KCND3: variants seen among roughly 807,000 people sequenced by gnomAD.
KCND3 encodes A-type voltage-gated potassium channel KCND3.
Under a neutral mutation model 51.1 loss-of-function variants are expected in KCND3, and 9 were observed. That is an observed-to-expected ratio of 0.18 (90% CI 0.11 to 0.31). The LOEUF is 0.31. Ranked by LOEUF, KCND3 falls within the 10% of genes least tolerant of loss-of-function variation. The pLI is 1.00. For synonymous variants in KCND3, 349 were observed against 368.0 expected (o/e 0.95, Z 0.59); for missense variants, 526 against 903.8 (o/e 0.58, Z 5.36).
At chr1:111,893,726 C>T (rs546322066) in intron 2 of KCND3, among the ~76,000 whole-genome samples, 13 of 152,104 alleles carry the variant, frequency 8.5e-5, no homozygotes, top group Non-Finnish European at 1.9e-4. Flanking sequence ...TGACAGGAGT[C>T]ATGGTGAGAA....
chr1:111,790,166 A>C (rs1664768365), intron 2 of KCND3, among the ~76,000 whole-genome samples: 3 of 152,348 alleles, frequency 2.0e-5, no homozygotes, highest in South Asian at 4.1e-4. Flanking sequence ...AGGACACTGG[A>C]GTCCAACCTG....
intron 2 of KCND3, among the ~76,000 whole-genome samples, chr1:111,899,999 G>GTA (rs768813910): frequency 1.6e-4 from 24 of 152,232 alleles, no homozygotes; most frequent in Non-Finnish European, 3.1e-4. Flanking sequence ...AAAGCAGTGA[G>GTA]GAGGCAGGGG....
rs1673766007 is a variant in KCND3, at chr1:111,963,188, G to A, written c.1106+18433C>T. Among the ~76,000 whole-genome samples, 7 of 152,222 alleles carry A rather than the reference G, an allele frequency of 4.6e-5. No individual in the cohort carries two copies. In the South Asian group the frequency reaches 1.4e-3, roughly 32 times the overall value. ...TCAACCCCCCACCATACAGAATCAT[G>A]AGATGTAATAAATGTTTATGATTTA... On this transcript the variant is annotated intron_variant, in intron 2 of 7. Transcript: ENST00000302127.
At chr1:111,796,613 A>G (rs1270961436) in intron 2 of KCND3, among the ~76,000 whole-genome samples, 6 of 152,200 alleles carry the variant, frequency 3.9e-5, no homozygotes, top group Admixed American at 6.5e-5. Context: ...AACAGCACAC[A>G]CTGGGAACTA....
chr1:111,778,580 G>C (rs1213799518), intron 5 of KCND3, 88 bp from the exon 6 acceptor site: 16 of 1,253,842 alleles, frequency 1.3e-5, no homozygotes, highest in African/African-American at 3.0e-5. Flanking sequence ...TCAATCTCTT[G>C]ATCCCGGCAT....
chr1:111,826,873 G>A (rs927222376), intron 2 of KCND3, among the ~76,000 whole-genome samples: 1 of 152,228 alleles, frequency 6.6e-6, no homozygotes, highest in Non-Finnish European at 1.5e-5. Context: ...ACAACCCTAT[G>A]AGGCTGGTAC....
At chr1:111,874,481 A>G (rs1668962239) in intron 2 of KCND3, among the ~76,000 whole-genome samples, 4 of 152,194 alleles carry the variant, frequency 2.6e-5, no homozygotes, top group Admixed American at 2.0e-4. Flanking sequence ...TGGTCTACCA[A>G]GAGGGCAGAT....
At chr1:111,890,043 G>A (rs773812475) in intron 2 of KCND3, among the ~76,000 whole-genome samples, 22 of 152,192 alleles carry the variant, frequency 1.4e-4, no homozygotes, top group Non-Finnish European at 1.9e-4. Flanking sequence ...TGACTCCAGA[G>A]TGGCCATGGA....
At chr1:111,821,106 G>A (rs547512227) in intron 2 of KCND3, among the ~76,000 whole-genome samples, 55 of 152,308 alleles carry the variant, frequency 3.6e-4, no homozygotes, top group African/African-American at 1.3e-3. Context: ...GACAGGATCT[G>A]TTTTTACCCT....
intron 3 of KCND3, among the ~76,000 whole-genome samples, chr1:111,783,265 G>A (rs952350461): frequency 4.7e-5 from 7 of 150,348 alleles, no homozygotes; most frequent in African/African-American, 7.3e-5. Flanking sequence ...GGCAGTGGAC[G>A]ATCAAGACTT....
intron 3 of KCND3, among the ~76,000 whole-genome samples, chr1:111,783,411 G>A (rs1398598810): frequency 1.3e-5 from 2 of 152,132 alleles, no homozygotes. Flanking sequence ...CAAATGTGGA[G>A]ACTCCAGGGT....
chr1:111,954,467 A>G (rs1673223036), intron 2 of KCND3, among the ~76,000 whole-genome samples: 1 of 152,228 alleles, frequency 6.6e-6, no homozygotes, highest in Non-Finnish European at 1.5e-5. Flanking sequence ...CTGAAAAGTC[A>G]TGGGACTTGA....
At chr1:111,939,484 G>T (rs1307035904) in intron 2 of KCND3, among the ~76,000 whole-genome samples, 2 of 152,038 alleles carry the variant, frequency 1.3e-5, no homozygotes, top group Non-Finnish European at 2.9e-5. Context: ...TCTGTGTTTG[G>T]TTTTCTGTTC....
intron 2 of KCND3, among the ~76,000 whole-genome samples, chr1:111,977,874 T>C (rs968466644): frequency 7.9e-5 from 12 of 152,372 alleles, no homozygotes; most frequent in Non-Finnish European, 1.5e-4. Flanking sequence ...GGGAGTTCTA[T>C]GTTATCCCTT....
At chr1:111,831,613 T>C (rs1434714374) in intron 2 of KCND3, among the ~76,000 whole-genome samples, 1 of 152,144 alleles carries the variant, frequency 6.6e-6, no homozygotes, top group African/African-American at 2.4e-5. Flanking sequence ...TACCTTCCCA[T>C]TCTATTTTTC....
chr1:111,830,516 G>T (rs1217113915), intron 2 of KCND3, among the ~76,000 whole-genome samples: 1 of 152,168 alleles, frequency 6.6e-6, no homozygotes, highest in African/African-American at 2.4e-5. Context: ...ATTTAAGGAG[G>T]CCCTCACTCT....
intron 2 of KCND3, among the ~76,000 whole-genome samples, chr1:111,790,143 TA>T (rs1664767622): frequency 6.6e-6 from 1 of 152,218 alleles, no homozygotes; most frequent in Non-Finnish European, 1.5e-5. Context: ...CAGCATGGCC[TA>T]ATAATTAAGA....
At chr1:111,921,758 G>A (rs1253486342) in intron 2 of KCND3, among the ~76,000 whole-genome samples, 1 of 152,124 alleles carries the variant, frequency 6.6e-6, no homozygotes, top group Non-Finnish European at 1.5e-5. Flanking sequence ...ATTTCTCCCA[G>A]GCCTTTGTTA....
intron 2 of KCND3, among the ~76,000 whole-genome samples, chr1:111,843,190 T>C (rs626737): frequency 0.37 from 55,604 of 151,958 alleles, 10,271 homozygotes; most frequent in East Asian, 0.51. Context: ...CAGAACAGTC[T>C]CCGGAGTTTG....
Sources: allele counts gnomAD v4.1 joint callset (sites outside exome capture counted in the v4.1 genomes callset), GRCh38; gene constraint gnomAD v4.1.1; transcripts MANE v1.5; gene names NCBI Gene and HGNC (gene_info 2026-07-23, HGNC 2026-07-21).